Variants in CACNA2D3 observed in about 807,000 individuals in gnomAD.
CACNA2D3 encodes voltage-dependent calcium channel subunit alpha-2/delta-3.
A neutral mutation model predicts 160.6 loss-of-function variants in CACNA2D3; 60 were observed. That is an observed-to-expected ratio of 0.37 (90% CI 0.30 to 0.46). CACNA2D3 has a LOEUF of 0.46. Among genes scored for constraint, CACNA2D3 ranks in the 20% least tolerant of loss-of-function variants. The pLI is 1.00. For missense variants in CACNA2D3, 1,205 were observed against 1,365.0 expected, an observed-to-expected ratio of 0.88 and a Z score of 1.85; for synonymous variants, 558 against 492.9, an observed-to-expected ratio of 1.13 and a Z score of -1.75.
intron 2 of CACNA2D3, among the ~76,000 whole-genome samples, chr3:54,196,978 G>C (rs1372428456): frequency 6.6e-6 from 1 of 152,062 alleles, no homozygotes; most frequent in African/African-American, 2.4e-5. Flanking sequence ...CCCCACTAAT[G>C]TTTATATAAA....
At chr3:54,470,644 T>A (rs2106872537) in intron 4 of CACNA2D3, among the ~76,000 whole-genome samples, 1 of 152,206 alleles carries the variant, frequency 6.6e-6, no homozygotes, top group African/African-American at 2.4e-5. Context: ...ACTGGCAAAT[T>A]GGGTAGAGTC....
chr3:54,898,672 A>G (rs1012794112), intron 26 of CACNA2D3, among the ~76,000 whole-genome samples: 7 of 152,182 alleles, frequency 4.6e-5, no homozygotes, highest in African/African-American at 1.7e-4. Flanking sequence ...AAATAATAGA[A>G]CTTAGCTTGC....
chr3:54,988,751 G>A (rs781273065), intron 31 of CACNA2D3, among the ~76,000 whole-genome samples: 3 of 152,134 alleles, frequency 2.0e-5, no homozygotes, highest in Non-Finnish European at 4.4e-5. Flanking sequence ...CTGAAAGCAG[G>A]GAATTCAAAA....
intron 35 of CACNA2D3, among the ~76,000 whole-genome samples, chr3:55,049,760 G>A (rs916976135): frequency 8.7e-5 from 13 of 149,598 alleles, no homozygotes. Context: ...AGGTCACTGA[G>A]GACTTGCTTT....
At chr3:54,238,465 A>C (rs1701921656) in intron 2 of CACNA2D3, among the ~76,000 whole-genome samples, 1 of 152,258 alleles carries the variant, frequency 6.6e-6, no homozygotes, top group South Asian at 2.1e-4. Context: ...TTATTTTAAT[A>C]GAAAAACTTG....
chr3:54,847,048 C>G (rs1321292927), intron 17 of CACNA2D3, among the ~76,000 whole-genome samples: 2 of 152,212 alleles, frequency 1.3e-5, no homozygotes, highest in Non-Finnish European at 2.9e-5. Flanking sequence ...GATATGTAAA[C>G]CACTTTCTTT....
intron 31 of CACNA2D3, among the ~76,000 whole-genome samples, chr3:54,998,713 TTTTTGTTTTGTTTTG>T (rs150766606): frequency 0.019 from 2,742 of 147,254 alleles, 106 homozygotes; most frequent in Admixed American, 0.078. Context: ...CTAAAGTTGG[TTTTTGTTTTGTTTTG>T]TTTTGTTTTG....
chr3:54,214,707 A>AG (rs1431046045), intron 2 of CACNA2D3, among the ~76,000 whole-genome samples: 1 of 152,162 alleles, frequency 6.6e-6, no homozygotes, highest in East Asian at 1.9e-4. Context: ...AGGAAGAGGC[A>AG]GCTCTGATAT....
At chr3:54,859,717 C>A (rs975527459) in intron 17 of CACNA2D3, among the ~76,000 whole-genome samples, 1 of 152,092 alleles carries the variant, frequency 6.6e-6, no homozygotes, top group Non-Finnish European at 1.5e-5. Flanking sequence ...AACGGACCTA[C>A]CAGCTCCAAC....
At chr3:54,506,328 A>C (rs1318319395) in intron 5 of CACNA2D3, among the ~76,000 whole-genome samples, 2 of 152,210 alleles carry the variant, frequency 1.3e-5, no homozygotes, top group Admixed American at 1.3e-4. Context: ...CCCCCAGCGA[A>C]GAAAACCAAT....
intron 31 of CACNA2D3, among the ~76,000 whole-genome samples, chr3:55,000,989 A>C (rs1575429742): frequency 6.6e-6 from 1 of 152,246 alleles, no homozygotes; most frequent in Middle Eastern, 3.4e-3. Context: ...ATCTATGTGA[A>C]CTTGGGCATA....
At position 54,816,769 on chromosome 3, in the gene CACNA2D3, G is replaced by T. The variant is rs569545925; in HGVS notation, c.1381-84G>T. On this transcript the variant is annotated intron_variant, in intron 13 of 37. Coordinates refer to ENST00000474759, the MANE Select transcript of CACNA2D3 (RefSeq NM_018398.3). ...ATTTTGGTTTCTCCATTTGCAAATG[G>T]CAAGAAAATGAAGCTTTACCATTAA... The T allele has an allele frequency of 1.9e-5, 28 of 1,510,324 alleles. No individual in the cohort carries two copies. In the African/African-American group the frequency reaches 3.5e-4, roughly 19 times the overall value. 93.6% of individuals were successfully genotyped at this position (1,510,324 alleles called of 1,614,324 possible).
chr3:54,622,835 G>A (rs1393676139), intron 9 of CACNA2D3, among the ~76,000 whole-genome samples: 2 of 152,058 alleles, frequency 1.3e-5, no homozygotes, highest in Admixed American at 6.5e-5. Flanking sequence ...CAAATCCTCC[G>A]TGCCATGGGT....
At chr3:54,311,227 C>T (rs1703734130) in intron 2 of CACNA2D3, among the ~76,000 whole-genome samples, 1 of 152,144 alleles carries the variant, frequency 6.6e-6, no homozygotes, top group African/African-American at 2.4e-5. Context: ...ACTCTATCCC[C>T]ACTGGAGGGA....
intron 9 of CACNA2D3, among the ~76,000 whole-genome samples, chr3:54,588,350 A>G (rs1207427858): frequency 2.0e-5 from 3 of 152,342 alleles, no homozygotes; most frequent in Admixed American, 6.5e-5. Context: ...ACAGAAACCT[A>G]CAGGTAACAT....
At chr3:54,404,823 T>A (rs1699543167) in intron 4 of CACNA2D3, among the ~76,000 whole-genome samples, 1 of 152,002 alleles carries the variant, frequency 6.6e-6, no homozygotes, top group South Asian at 2.1e-4. Flanking sequence ...TATATACAAA[T>A]AACAACCTAG....
intron 13 of CACNA2D3, among the ~76,000 whole-genome samples, chr3:54,809,058 T>C (rs1447664741): frequency 4.6e-5 from 7 of 152,164 alleles, no homozygotes. Flanking sequence ...GTTTTACGGA[T>C]GAGACCTCTA....
chr3:55,015,952 C>T (rs1411742002), intron 34 of CACNA2D3, among the ~76,000 whole-genome samples: 3 of 152,202 alleles, frequency 2.0e-5, no homozygotes, highest in Non-Finnish European at 2.9e-5. Context: ...TCACCTTACC[C>T]TCCATCTGAA....
chr3:54,773,512 C>G (rs918238608), intron 13 of CACNA2D3, among the ~76,000 whole-genome samples: 1 of 152,180 alleles, frequency 6.6e-6, no homozygotes, highest in African/African-American at 2.4e-5. Flanking sequence ...TATTTCATAG[C>G]AGATGGGTTC....
Sources: allele counts gnomAD v4.1 joint callset (sites outside exome capture counted in the v4.1 genomes callset), GRCh38; gene constraint gnomAD v4.1.1; transcripts MANE v1.5; gene names NCBI Gene and HGNC (gene_info 2026-07-23, HGNC 2026-07-21).